Variants in YY1 observed in about 807,000 individuals in gnomAD.
The protein encoded by YY1 is YY1 transcription factor.
YY1 carries 2 observed loss-of-function variants against 35.6 expected under a neutral mutation model. That is an observed-to-expected ratio of 0.06 (90% CI 0.02 to 0.18). The LOEUF (loss-of-function observed/expected upper bound fraction) is 0.18. Ranked by LOEUF, YY1 falls within the 10% of genes least tolerant of loss-of-function variation. The pLI is 1.00. For synonymous variants in YY1, 268 were observed against 238.9 expected (o/e 1.12, Z -1.12); for missense variants, 322 against 573.4 (o/e 0.56, Z 4.48).
chr14:100,259,259 A>C (rs552045854), intron 1 of YY1, among the ~76,000 whole-genome samples: 1 of 152,222 alleles, frequency 6.6e-6, no homozygotes, highest in South Asian at 2.1e-4. Flanking sequence ...CCCGCCAGGC[A>C]CTGTGGCTCC....
At position 100,281,051 on chromosome 14, in the gene YY1, C is replaced by A. The variant is rs955008729; in HGVS notation, c.*3451C>A. On this transcript the variant is annotated 3_prime_UTR_variant, in exon 5 of 5. Transcript: ENST00000262238. ...CTCCAGCCTGGGTGACAGAGCAAGA[C>A]TCCGTCTCCCAAAAAAAAAAAAAAA... is the stretch of plus-strand genomic sequence containing the variant. 1.0e-4 allele frequency: 12 copies of A among 114,442 alleles called. No homozygotes were observed. The highest frequency in any genetic ancestry group is 9.8e-5 in the Admixed American group (1 of 10,174). The allele number at this position is 114,442 out of a possible 1,614,324, so 7.1% of individuals were successfully genotyped here.
intron 1 of YY1, among the ~76,000 whole-genome samples, chr14:100,253,839 C>CTT (rs918269804): frequency 6.6e-6 from 1 of 151,684 alleles, no homozygotes; most frequent in African/African-American, 2.4e-5. Context: ...TTATAATTTT[C>CTT]TTTTTTTGAG....
intron 2 of YY1, among the ~76,000 whole-genome samples, chr14:100,264,865 A>G (rs1034207039): frequency 3.9e-5 from 6 of 152,142 alleles, no homozygotes; most frequent in African/African-American, 1.4e-4. Context: ...TAACCTCAAC[A>G]CTTTGGGAAG....
rs200887057 is a variant in YY1, at chr14:100,273,419, GTTGGGACTATCGA to G, written c.843-1278_843-1266del. ...CTTACTGCCTTCGGCTTCCCGAGTG[GTTGGGACTATCGA>G]CACACACCACCATGCCTGGCTGATT... On this transcript the variant is annotated intron_variant, in intron 2 of 4. Coordinates refer to ENST00000262238, the MANE Select transcript of YY1 (RefSeq NM_003403.5). Among the ~76,000 whole-genome samples the G allele has an allele frequency of 8.5e-5, 13 of 152,296 alleles. 1 individual carries two copies. The East Asian group carries it at 2.5e-3, about 29-fold the overall frequency.
intron 2 of YY1, among the ~76,000 whole-genome samples, chr14:100,271,369 C>G: frequency 6.6e-6 from 1 of 152,176 alleles, no homozygotes; most frequent in East Asian, 1.9e-4. Context: ...CGCAGTGGCA[C>G]CAAACTTTTG....
In YY1 at chr14:100,243,911, C is replaced by T. The variant is rs61992929; in HGVS notation, c.679+3988C>T. Among the ~76,000 whole-genome samples the T allele has an allele frequency of 2.0e-3, 298 of 152,228 alleles. 5 individuals carry two copies. Among genetic ancestry groups the T allele is most frequent in the Middle Eastern group, 3.4e-3 (1 of 292 alleles). On this transcript the variant is annotated intron_variant, in intron 1 of 4. Transcript: ENST00000262238. ...ACGAGCTCAGGAGATCGAGACCATC[C>T]TGCCTAACACGGTAAAACCCTGTCT...
chr14:100,254,147 T>C lies in YY1; in HGVS notation c.680-8157T>C, dbSNP rs950822658. Among the ~76,000 whole-genome samples the C allele has an allele frequency of 5.3e-5, 8 of 152,200 alleles. No homozygotes were observed. In the East Asian group the frequency reaches 1.5e-3, roughly 29 times the overall value. On this transcript the variant is annotated intron_variant, in intron 1 of 4. Coordinates refer to ENST00000262238, the MANE Select transcript of YY1 (RefSeq NM_003403.5). ...CACCACACATGGCCAAGATATTTTT[T>C]TGAACAAAGAAAGAAACATATGTAC...
chr14:100,276,410 G>A lies in YY1; in HGVS notation c.904-80G>A. The A allele has an allele frequency of 6.2e-7, 1 of 1,603,376 alleles. No individual in the cohort carries two copies. Among genetic ancestry groups the A allele is most frequent in the South Asian group, 1.1e-5 (1 of 90,668 alleles). On this transcript the variant is annotated intron_variant, in intron 3 of 4. Coordinates refer to ENST00000262238, the MANE Select transcript of YY1 (RefSeq NM_003403.5). This position sits in a 1 kb window ranked among gnomAD's most constrained non-coding sequence, Gnocchi z 4.1. Reference sequence around the variant, plus strand: ...TGGGGAGGTGGTTTTGTTTTAATATGTCAGTAAAGGCTGTTAAATGGTTGA... The same window carrying A: ...TGGGGAGGTGGTTTTGTTTTAATATATCAGTAAAGGCTGTTAAATGGTTGA...
chr14:100,277,829 A>G lies in YY1; in HGVS notation c.*229A>G, dbSNP rs1891345921. The G allele has an allele frequency of 5.5e-6, 3 of 542,788 alleles. No homozygotes were observed. Among genetic ancestry groups the G allele is most frequent in the African/African-American group, 1.9e-5 (1 of 52,910 alleles). The allele number at this position is 542,788 out of a possible 1,614,324, so 33.6% of individuals were successfully genotyped here. On this transcript the variant is annotated 3_prime_UTR_variant, in exon 5 of 5. Coordinates refer to ENST00000262238, the MANE Select transcript of YY1 (RefSeq NM_003403.5). The surrounding 1 kb of genome is among the most constrained non-coding windows in gnomAD (Gnocchi z 5.6). ...TGCTCTGTAATCTCGTTTCAAAAACACAGTGTTTTTGTAAAGTGTGGTCCC... is the reference window on the plus strand; with the variant it reads ...TGCTCTGTAATCTCGTTTCAAAAACGCAGTGTTTTTGTAAAGTGTGGTCCC...
At chr14:100,269,178 A>G (rs1891197886) in intron 2 of YY1, among the ~76,000 whole-genome samples, 1 of 152,168 alleles carries the variant, frequency 6.6e-6, no homozygotes, top group South Asian at 2.1e-4. Flanking sequence ...CCAGTTTCTC[A>G]GTCCTTTATC....
At position 100,240,350 on chromosome 14, in the gene YY1, C is replaced by T. The variant is rs564317797; in HGVS notation, c.679+427C>T. On this transcript the variant is annotated intron_variant, in intron 1 of 4. Transcript: ENST00000262238. Reference sequence around the variant, plus strand: ...GGTCGTTGGCGGGGCTGCGCCGCGGCCTCGCGGGCCAGGGATTGCTGCCTC... The same window carrying T: ...GGTCGTTGGCGGGGCTGCGCCGCGGTCTCGCGGGCCAGGGATTGCTGCCTC... 7.1e-3 allele frequency among the ~76,000 whole-genome samples: 1,053 copies of T among 148,200 alleles called. 9 individuals are homozygous for T. Among genetic ancestry groups the T allele is most frequent in the Non-Finnish European group, 0.012 (769 of 66,522 alleles).
Position 100,279,193 on chromosome 14 carries a change from A to AG in YY1, c.*1594dup, listed in dbSNP as rs1891373955. On this transcript the variant is annotated 3_prime_UTR_variant, in exon 5 of 5. Transcript: ENST00000262238. ...AATACTTTATAAACTGCCATGATAC[A>AG]GCAAAATCTCATTTATTCAAAGTGC... 1 of 152,250 alleles carries AG rather than the reference A, an allele frequency of 6.6e-6. No homozygotes were observed. Among genetic ancestry groups the AG allele is most frequent in the Non-Finnish European group, 1.5e-5 (1 of 68,044 alleles). The allele number at this position is 152,250 out of a possible 1,614,324, so 9.4% of individuals were successfully genotyped here. A position where few individuals can be genotyped will look rare whatever the true frequency, so the allele number is the denominator to read the frequency against.
intron 2 of YY1, among the ~76,000 whole-genome samples, chr14:100,268,892 T>A (rs1201476231): frequency 6.6e-6 from 1 of 152,200 alleles, no homozygotes; most frequent in South Asian, 2.1e-4. Context: ...ATGTTTCATC[T>A]CCCTTTCTGG....
intron 2 of YY1, among the ~76,000 whole-genome samples, chr14:100,266,218 C>G (rs1891152981): frequency 6.6e-6 from 1 of 152,052 alleles, no homozygotes; most frequent in Non-Finnish European, 1.5e-5. Flanking sequence ...AGATAGAATT[C>G]AAGTTGAGAT....
intron 1 of YY1, among the ~76,000 whole-genome samples, chr14:100,260,424 A>AATAT (rs59427565): frequency 0.011 from 1,513 of 141,244 alleles, 29 homozygotes; most frequent in African/African-American, 0.035. Flanking sequence ...TGAATATATG[A>AATAT]ATATATATAT....
At chr14:100,262,164 A>C (rs1473756413) in intron 1 of YY1, 140 bp from the exon 2 acceptor site, 4 of 524,940 alleles carry the variant, frequency 7.6e-6, no homozygotes, top group Admixed American at 9.1e-5. Context: ...CCGTTCTCCA[A>C]AAAAAAAAAA....
rs1326070150 is a variant in YY1, at chr14:100,252,237, T to G, written c.680-10067T>G. ...TAATTATATCTTTTTGACTGGAAAT[T>G]GGAGTCTACAAACTCAGTCTTATGC... On this transcript the variant is annotated intron_variant, in intron 1 of 4. Transcript: ENST00000262238. Among the ~76,000 whole-genome samples the G allele has an allele frequency of 3.3e-5, 5 of 152,164 alleles. No individual in the cohort carries two copies. The East Asian group carries it at 9.6e-4, about 29-fold the overall frequency.
intron 2 of YY1, among the ~76,000 whole-genome samples, chr14:100,272,619 A>G (rs1210773595): frequency 6.6e-6 from 1 of 151,794 alleles, no homozygotes; most frequent in Non-Finnish European, 1.5e-5. Context: ...TCTTGCTTTT[A>G]AGGATTCACT....
chr14:100,256,750 T>C (rs1891011031), intron 1 of YY1, among the ~76,000 whole-genome samples: 1 of 152,150 alleles, frequency 6.6e-6, no homozygotes, highest in Non-Finnish European at 1.5e-5. Flanking sequence ...GAAAATATTT[T>C]GGGTATAGAT....
Sources: gnomAD v4.1 joint callset for allele counts (sites outside exome capture counted in the v4.1 genomes callset) on GRCh38, gnomAD v4.1.1 for gene constraint, Gnocchi (gnomAD v3.1) non-coding constraint, MANE v1.5 for transcripts, NCBI Gene and HGNC (gene_info 2026-07-23, HGNC 2026-07-21) for gene names.